The following GRM1 variants were observed in gnomAD, a reference collection of about 807,000 sequenced individuals.
GRM1 encodes the protein metabotropic glutamate receptor 1.
A neutral mutation model predicts 90.9 loss-of-function variants in GRM1; 33 were observed. The observed-to-expected ratio is 0.36, with a 90% CI of 0.28 to 0.49. The LOEUF is 0.49. GRM1 is among the 20% of genes least tolerant of loss of function. GRM1 has a pLI of 0.99. For missense variants in GRM1, 1,190 were observed against 1,534.3 expected (o/e 0.78, Z 3.75); for synonymous variants, 700 against 613.2 (o/e 1.14, Z -2.09).
At chr6:146,231,157 T>G (rs549748130) in intron 2 of GRM1, among the ~76,000 whole-genome samples, 6 of 152,224 alleles carry the variant, frequency 3.9e-5, no homozygotes, top group African/African-American at 9.6e-5. Flanking sequence ...AACTATAAAC[T>G]TTTGGTGATT....
chr6:146,049,568 T>C (rs1417608658), intron 1 of GRM1, among the ~76,000 whole-genome samples: 1 of 151,836 alleles, frequency 6.6e-6, no homozygotes, highest in African/African-American at 2.4e-5. Context: ...GCTTCCTTGG[T>C]TCTCCAGCTT....
chr6:146,032,177 CT>C (rs1458526081), intron 1 of GRM1, among the ~76,000 whole-genome samples: 1 of 152,028 alleles, frequency 6.6e-6, no homozygotes, highest in African/African-American at 2.4e-5. Context: ...ACTATGTTTC[CT>C]TTCTGCCTTC....
chr6:146,346,331 A>C (rs362837), intron 3 of GRM1, among the ~76,000 whole-genome samples: 30,741 of 145,078 alleles, frequency 0.21, 3,456 homozygotes, highest in South Asian at 0.26. Context: ...TAAGCAATAG[A>C]AATTCAACTA....
intron 1 of GRM1, among the ~76,000 whole-genome samples, chr6:146,142,931 T>C (rs982622417): frequency 1.3e-5 from 2 of 152,150 alleles, no homozygotes; most frequent in African/African-American, 4.8e-5. Flanking sequence ...AATGTCCTCT[T>C]CACTTTTCTC....
At chr6:146,156,911 G>A (rs1307422610) in intron 1 of GRM1, among the ~76,000 whole-genome samples, 2 of 152,164 alleles carry the variant, frequency 1.3e-5, no homozygotes, top group Non-Finnish European at 2.9e-5. Context: ...ATAGATGTCT[G>A]GAAGAAGTAG....
At chr6:146,338,051 C>T (rs1037583615) in intron 3 of GRM1, among the ~76,000 whole-genome samples, 5 of 152,108 alleles carry the variant, frequency 3.3e-5, no homozygotes, top group East Asian at 1.9e-4. Context: ...ACGTCTTAAT[C>T]GAACAATTTT....
chr6:146,315,670 A>G lies in GRM1; in HGVS notation c.1186+10824A>G, dbSNP rs145233766. On this transcript the variant is annotated intron_variant, in intron 3 of 7. Coordinates refer to ENST00000282753, the MANE Select transcript of GRM1 (RefSeq NM_001278064.2). ...AATCAGAATCTTTGGAGTGAGGCCA[A>G]GCATTTATTTTAAGGACAAGAAGAA... Among the ~76,000 whole-genome samples the G allele has an allele frequency of 2.8e-3, 419 of 152,298 alleles. 3 individuals carry two copies. Among genetic ancestry groups the G allele is most frequent in the Admixed American group, 5.6e-3 (86 of 15,300 alleles).
chr6:146,148,682 A>G (rs1405283340), intron 1 of GRM1, among the ~76,000 whole-genome samples: 2 of 152,226 alleles, frequency 1.3e-5, no homozygotes, highest in Non-Finnish European at 1.5e-5. Context: ...AACATACTTC[A>G]TAGTATTGAT....
At chr6:146,206,809 C>T (rs957619188) in intron 2 of GRM1, among the ~76,000 whole-genome samples, 2 of 152,102 alleles carry the variant, frequency 1.3e-5, no homozygotes, top group Non-Finnish European at 2.9e-5. Flanking sequence ...CTCTCACCCT[C>T]TCCACTAGAG....
chr6:146,207,045 A>G (rs948971957), intron 2 of GRM1, among the ~76,000 whole-genome samples: 3 of 152,076 alleles, frequency 2.0e-5, no homozygotes, highest in East Asian at 1.9e-4. Flanking sequence ...TCTTTATCTA[A>G]TCTGTCATTG....
chr6:146,301,268 G>T (rs1783368065), intron 2 of GRM1, among the ~76,000 whole-genome samples: 1 of 152,130 alleles, frequency 6.6e-6, no homozygotes, highest in Admixed American at 6.5e-5. Flanking sequence ...GAGGGTGAAG[G>T]TCTTTAACTA....
chr6:146,220,104 A>G (rs1287114316), intron 2 of GRM1, among the ~76,000 whole-genome samples: 3 of 152,174 alleles, frequency 2.0e-5, no homozygotes, highest in Non-Finnish European at 4.4e-5. Flanking sequence ...TCTTTAATGT[A>G]TCCACATATC....
chr6:146,075,818 T>C (rs1478145881), intron 1 of GRM1, among the ~76,000 whole-genome samples: 1 of 152,176 alleles, frequency 6.6e-6, no homozygotes, highest in Non-Finnish European at 1.5e-5. Context: ...CAATCTCTGC[T>C]CCATCTCTTC....
At chr6:146,128,813 A>G (rs968783622) in intron 1 of GRM1, among the ~76,000 whole-genome samples, 4 of 152,138 alleles carry the variant, frequency 2.6e-5, no homozygotes, top group South Asian at 2.1e-4. Context: ...AGAATTGTCT[A>G]TGATCATTCC....
chr6:146,243,723 A>T (rs1231366769), intron 2 of GRM1, among the ~76,000 whole-genome samples: 2 of 152,128 alleles, frequency 1.3e-5, no homozygotes, highest in African/African-American at 4.8e-5. Flanking sequence ...CATTGATAAC[A>T]TCTTATCAGG....
Position 146,434,398 on chromosome 6 carries a change from C to A in GRM1, c.3187C>A (p.Arg1063=), listed in dbSNP as rs573289908. The A allele has an allele frequency of 6.2e-7, 1 of 1,613,392 alleles. No homozygotes were observed. Among genetic ancestry groups the A allele is most frequent in the African/African-American group, 1.3e-5 (1 of 75,062 alleles). Residue 1063 remains arginine (R), a synonymous_variant, in exon 8 of 8, where the codon CGG becomes AGG. Coordinates refer to ENST00000282753, the MANE Select transcript of GRM1 (RefSeq NM_001278064.2). ...CCCCGGTGGTCCCGGGAACGGGCTG[C>A]GGTCCCTGTACCCGCCCCCGCCACC... ...AGPGGPGNGL[R]SLYPPPPPPQ... is the part of the protein sequence containing the mutation.
At chr6:146,413,363 A>G (rs1477431303) in intron 7 of GRM1, among the ~76,000 whole-genome samples, 7 of 152,078 alleles carry the variant, frequency 4.6e-5, no homozygotes, top group East Asian at 1.9e-4. Context: ...TATTGATTGT[A>G]TTAGGTCAAT....
chr6:146,208,000 T>G (rs1779551922), intron 2 of GRM1, among the ~76,000 whole-genome samples: 1 of 152,168 alleles, frequency 6.6e-6, no homozygotes, highest in South Asian at 2.1e-4. Flanking sequence ...GCAAAAGACC[T>G]CTTTCTCTCT....
chr6:146,040,373 G>A lies in GRM1; in HGVS notation c.700+10156G>A, dbSNP rs9485041. Among the ~76,000 whole-genome samples, 808 of 152,030 alleles carry A rather than the reference G, an allele frequency of 5.3e-3. 7 individuals carry two copies. Among genetic ancestry groups the A allele is most frequent in the African/African-American group, 0.018 (741 of 41,510 alleles). ...TTTTACCTGTGAATTTTATGCCTTC[G>A]GATGATGTTCTTATTGCATGTTAGT... On this transcript the variant is annotated intron_variant, in intron 1 of 7. Coordinates refer to ENST00000282753, the MANE Select transcript of GRM1 (RefSeq NM_001278064.2).
Sources: allele counts gnomAD v4.1 joint callset (sites outside exome capture counted in the v4.1 genomes callset), GRCh38; gene constraint gnomAD v4.1.1; transcripts MANE v1.5; gene names NCBI Gene and HGNC (gene_info 2026-07-23, HGNC 2026-07-21).